PSORS1C1: variants seen among roughly 807,000 people sequenced by gnomAD.
The protein encoded by PSORS1C1 is psoriasis susceptibility 1 candidate gene 1 protein.
Under a neutral mutation model 9.4 loss-of-function variants are expected in PSORS1C1, and 7 were observed. That is an observed-to-expected ratio of 0.75 (90% CI 0.42 to 1.40). The LOEUF (loss-of-function observed/expected upper bound fraction) is 1.40. Among genes scored for constraint, PSORS1C1 ranks in the 40% most tolerant of loss-of-function variants. The probability of loss-of-function intolerance (pLI) is 0.01; values close to 1 mark genes in which losing one functional copy is unlikely to be tolerated. For missense variants in PSORS1C1, 146 were observed against 178.1 expected, an observed-to-expected ratio of 0.82 and a Z score of 1.02; for synonymous variants, 63 against 69.4, an observed-to-expected ratio of 0.91 and a Z score of 0.46.
Position 31,115,703 on chromosome 6 carries a change from A to C in PSORS1C1, c.-229+812A>C. The C allele has an allele frequency of 2.5e-6, 1 of 393,014 alleles. No homozygotes were observed. The highest frequency in any genetic ancestry group is 4.6e-6 in the Non-Finnish European group (1 of 219,562). 24.3% of individuals were successfully genotyped at this position (393,014 alleles called of 1,614,324 possible). ...CAGTTGAGAAGCTGATGGGGGTGTT[A>C]CTCAATGGACCATTTCCACACAGTA... On this transcript the variant is annotated intron_variant, in intron 1 of 5. Transcript: ENST00000259881. The surrounding 1 kb of genome is among the most constrained non-coding windows in gnomAD (Gnocchi z 4.2).
At chr6:31,125,358 A>C (rs548942066) in intron 1 of PSORS1C1, among the ~76,000 whole-genome samples, 28 of 152,094 alleles carry the variant, frequency 1.8e-4, no homozygotes, top group Non-Finnish European at 3.4e-4. Context: ...AGCCACAACA[A>C]CACCCTCCTC....
chr6:31,136,435 G>A (rs765597811), intron 3 of PSORS1C1, among the ~76,000 whole-genome samples: 14 of 151,484 alleles, frequency 9.2e-5, no homozygotes, highest in Non-Finnish European at 2.1e-4. Context: ...CTCTTAATGA[G>A]ATGGGAAAGG....
intron 1 of PSORS1C1, chr6:31,117,022 G>A (rs1467180800): frequency 1.2e-6 from 2 of 1,614,262 alleles, no homozygotes; most frequent in South Asian, 1.1e-5. Flanking sequence ...GGTCTGGGAA[G>A]AGGAAGAGCT....
At position 31,138,681 on chromosome 6, in the gene PSORS1C1, A is replaced by AC. The variant is rs773214537; in HGVS notation, c.73dup (p.Gln25ProfsTer4). 6.2e-7 allele frequency: 1 copy of AC among 1,613,164 alleles called. No homozygotes were observed. Among genetic ancestry groups the AC allele is most frequent in the South Asian group, 1.1e-5 (1 of 91,056 alleles). ...GCACACAGACCCCAGCTTTACAAGG[A>AC]CCCCAGCTCCTTAACACAGATCCCA... On this transcript the variant is annotated frameshift_variant, in exon 5 of 6. Transcript: ENST00000259881. LOFTEE classifies it high-confidence loss of function.
Position 31,115,241 on chromosome 6 carries a change from A to G in PSORS1C1, c.-229+350A>G. On this transcript the variant is annotated intron_variant, in intron 1 of 5. Transcript: ENST00000259881. The surrounding 1 kb of genome is among the most constrained non-coding windows in gnomAD (Gnocchi z 4.2). ...CCACCCAGACTCTCAGAGGAGACCC[A>G]GGACTCCAAGAAGGCAAAAAGTCTG... The G allele has an allele frequency of 4.0e-6, 1 of 250,134 alleles. No homozygotes were observed. The highest frequency in any genetic ancestry group is 7.9e-6 in the Non-Finnish European group (1 of 127,292). 15.5% of individuals were successfully genotyped at this position (250,134 alleles called of 1,614,324 possible). A position where few individuals can be genotyped will look rare whatever the true frequency, so the allele number is the denominator to read the frequency against.
rs770354601 is a variant in PSORS1C1, at chr6:31,117,394, G to C, written c.-229+2503G>C. The C allele has an allele frequency of 2.6e-6, 4 of 1,568,470 alleles. No homozygotes were observed. In the East Asian group the frequency reaches 9.4e-5, roughly 37 times the overall value. On this transcript the variant is annotated intron_variant, in intron 1 of 5. Transcript: ENST00000259881. Reference sequence around the variant, plus strand: ...TCTGGCACTGGAAATGGAGCTGCCAGAACTGCTGGAGCCACTGTAGCTACT... The same window carrying C: ...TCTGGCACTGGAAATGGAGCTGCCACAACTGCTGGAGCCACTGTAGCTACT...
intron 1 of PSORS1C1, chr6:31,118,107 G>A (rs935930046): frequency 6.5e-6 from 1 of 154,950 alleles, no homozygotes; most frequent in Non-Finnish European, 1.4e-5. Context: ...TGGGACCAAA[G>A]GGAAGAAGAC....
intron 1 of PSORS1C1, among the ~76,000 whole-genome samples, chr6:31,124,045 G>T (rs1363454735): frequency 6.6e-6 from 1 of 152,188 alleles, no homozygotes; most frequent in Non-Finnish European, 1.5e-5. Context: ...CATGCATGTG[G>T]AGGACAGTGG....
In PSORS1C1 at chr6:31,139,002, C is replaced by T; in HGVS notation, c.167+223C>T. The T allele has an allele frequency of 1.2e-6, 2 of 1,614,148 alleles. No homozygotes were observed. The highest frequency in any genetic ancestry group is 1.7e-6 in the Non-Finnish European group (2 of 1,180,002). On this transcript the variant is annotated intron_variant, in intron 5 of 5. Coordinates refer to ENST00000259881, the MANE Select transcript of PSORS1C1 (RefSeq NM_014068.3). This position sits in a 1 kb window ranked among gnomAD's most constrained non-coding sequence, Gnocchi z 5.2. ...GTGTGCAGGCAAAGGACCAGGATCC[C>T]CAGGAGCTTCCAGTTGAGGATCATG...
At chr6:31,120,092 A>G (rs1772374084) in intron 1 of PSORS1C1, among the ~76,000 whole-genome samples, 1 of 152,140 alleles carries the variant, frequency 6.6e-6, no homozygotes, top group Non-Finnish European at 1.5e-5. Context: ...CAAAGTACAT[A>G]TCACATACAT....
At chr6:31,116,647 T>C in intron 1 of PSORS1C1, 2 of 1,612,894 alleles carry the variant, frequency 1.2e-6, no homozygotes, top group Non-Finnish European at 8.5e-7. Flanking sequence ...TTTGGTGAAG[T>C]AGCCCACAGG....
intron 2 of PSORS1C1, among the ~76,000 whole-genome samples, chr6:31,127,561 A>AATTATTATTATTATTATTATT (rs9257056): frequency 0.043 from 6,080 of 141,508 alleles, 166 homozygotes; most frequent in Admixed American, 0.067. Flanking sequence ...AGGAGACAGG[A>AATTATTATTATTATTATTATT]ATTATTATTA....
chr6:31,120,480 G>C, intron 1 of PSORS1C1: 1 of 1,365,294 alleles, frequency 7.3e-7, no homozygotes, highest in Non-Finnish European at 1.0e-6. Flanking sequence ...CTTTATGCCA[G>C]AGCTGGACAT....
chr6:31,138,782 G>A lies in PSORS1C1; in HGVS notation c.167+3G>A, dbSNP rs528402793. 3.1e-5 allele frequency: 50 copies of A among 1,614,124 alleles called. 1 individual carries two copies. The East Asian group carries it at 1.1e-3, about 35-fold the overall frequency. ...ATGGAGCCAGCAAACCATTTCTGGT[G>A]AGAGCCAAATGCACCTTCTGCACCA... On this transcript the variant is annotated splice_donor_region_variant and intron_variant, in intron 5 of 5. Transcript: ENST00000259881.
Position 31,129,624 on chromosome 6 carries a change from A to G in PSORS1C1, c.-9A>G, listed in dbSNP as rs1434357091. ...TCCTCCATCCAGTCTTGACTTTGGC[A>G]CTTGTGATATGACTTGCACAGGTGA... On this transcript the variant is annotated 5_prime_UTR_variant, in exon 3 of 6. Transcript: ENST00000259881. The G allele has an allele frequency of 2.6e-6, 2 of 779,882 alleles. No individual in the cohort carries two copies. Among genetic ancestry groups the G allele is most frequent in the Non-Finnish European group, 4.8e-6 (2 of 418,096 alleles). 48.3% of individuals were successfully genotyped at this position (779,882 alleles called of 1,614,324 possible).
intron 1 of PSORS1C1, among the ~76,000 whole-genome samples, chr6:31,125,468 C>A (rs1581851169): frequency 6.6e-6 from 1 of 152,196 alleles, no homozygotes; most frequent in Non-Finnish European, 1.5e-5. Flanking sequence ...GTCATCCACA[C>A]TCTTCACCTG....
chr6:31,139,724 A>T lies in PSORS1C1; in HGVS notation c.251A>T (p.Gln84Leu). 6.2e-7 allele frequency: 1 copy of T among 1,613,074 alleles called. No homozygotes were observed. The highest frequency in any genetic ancestry group is 1.1e-5 in the South Asian group (1 of 91,090). ...GATGACTGCAGAAAAGGAAGGACAC[A>T]GGAGGATATCCTGGTTCCCTCTTCC... ...TQDDCRKGRT[Q>L]EDILVPSSHP... The change falls in exon 6 of 6, where the codon CAG (glutamine) becomes CTG (leucine). Residue 84 changes from glutamine to leucine, a missense_variant. Gln to Leu is a moderately radical substitution (Grantham distance 113, BLOSUM62 -2). Transcript: ENST00000259881. The surrounding 1 kb of genome is among the most constrained non-coding windows in gnomAD (Gnocchi z 5.2).
Position 31,139,518 on chromosome 6 carries a change from A to T in PSORS1C1, c.168-123A>T. The stretch of plus-strand genomic sequence containing the variant: ...GGATGCAGCTGGGACAGTGTCAGCT[A>T]CTACCCCAGCCTCCCCACTCACCCC... On this transcript the variant is annotated intron_variant, in intron 5 of 5. Transcript: ENST00000259881. This position sits in a 1 kb window ranked among gnomAD's most constrained non-coding sequence, Gnocchi z 5.2. 1 of 889,050 alleles carries T rather than the reference A, an allele frequency of 1.1e-6. No homozygotes were observed. Among genetic ancestry groups the T allele is most frequent in the Non-Finnish European group, 1.7e-6 (1 of 585,860 alleles). 55.1% of individuals were successfully genotyped at this position (889,050 alleles called of 1,614,324 possible). A position where few individuals can be genotyped will look rare whatever the true frequency, so the allele number is the denominator to read the frequency against.
In PSORS1C1 at chr6:31,116,907, G is replaced by A. The variant is rs3094215; in HGVS notation, c.-229+2016G>A. ...AGTGGGAGCTGGGGATGTAGGGGCC[G>A]GAGTGCGAGACGATGGGCCCTCCAC... On this transcript the variant is annotated intron_variant, in intron 1 of 5. Transcript: ENST00000259881. 0.52 allele frequency: 832,287 copies of A among 1,613,594 alleles called. 219,983 individuals carry two copies. The highest frequency in any genetic ancestry group is 0.69 in the East Asian group (30,744 of 44,866).
Sources: allele counts gnomAD v4.1 joint callset (sites outside exome capture counted in the v4.1 genomes callset), GRCh38; gene constraint gnomAD v4.1.1; non-coding constraint Gnocchi (gnomAD v3.1); transcripts MANE v1.5; gene names NCBI Gene and HGNC (gene_info 2026-07-23, HGNC 2026-07-21).